Variants in TNRC6B observed in about 807,000 individuals in gnomAD.
TNRC6B encodes trinucleotide repeat-containing gene 6B protein.
In TNRC6B, 52 loss-of-function variants were observed where a neutral mutation model predicts 203.6. The observed-to-expected ratio is 0.26, with a 90% confidence interval of 0.20 to 0.32. TNRC6B has a LOEUF of 0.32. TNRC6B is among the 10% of genes least tolerant of loss of function. The probability of loss-of-function intolerance (pLI) is 1.00; values close to 1 mark genes in which losing one functional copy is unlikely to be tolerated. For missense variants in TNRC6B, 1,923 were observed against 2,286.2 expected (o/e 0.84, Z 3.24); for synonymous variants, 838 against 845.7 (o/e 0.99, Z 0.16).
Position 40,266,502 on chromosome 22 carries a change from A to G in TNRC6B, c.2272A>G (p.Asn758Asp), listed in dbSNP as rs751325297. ...GWGEEVDQTK[N>D]SNWESSASKP... Reference sequence around the variant, plus strand: ...GGGGGAGGAAGTCGATCAGACAAAAAACAGCAATTGGGAAAGTTCTGCAAG... The same window carrying G: ...GGGGGAGGAAGTCGATCAGACAAAAGACAGCAATTGGGAAAGTTCTGCAAG... The change falls in exon 5 of 23, where the codon AAC becomes GAC. Residue 758 changes from asparagine to aspartate, a missense_variant. By Grantham distance (23) the Asn-to-Asp change is conservative. Around this residue, in one of 8 missense-constraint regions of TNRC6B, gnomAD observed 599 missense variants for 656.5 expected, o/e 0.91. Coordinates refer to ENST00000454349, the MANE Select transcript of TNRC6B (RefSeq NM_001162501.2). 6 of 1,613,722 alleles carry G rather than the reference A, an allele frequency of 3.7e-6. No homozygotes were observed. The Admixed American group carries it at 8.3e-5, about 22-fold the overall frequency.
chr22:40,146,860 C>T (rs78557897), intron 3 of TNRC6B, among the ~76,000 whole-genome samples: 1,899 of 152,220 alleles, frequency 0.012, 20 homozygotes, highest in Middle Eastern at 0.048. Context: ...CCACCGTGCC[C>T]GAACAAGAAA....
chr22:40,132,909 A>G (rs2068560536), intron 3 of TNRC6B, among the ~76,000 whole-genome samples: 1 of 134,366 alleles, frequency 7.4e-6, no homozygotes, highest in Admixed American at 8.7e-5. Flanking sequence ...GCGCCACTGC[A>G]CTCCAGCCTG....
At chr22:40,153,740 G>A (rs1228407762) in intron 3 of TNRC6B, among the ~76,000 whole-genome samples, 1 of 151,808 alleles carries the variant, frequency 6.6e-6, no homozygotes, top group Non-Finnish European at 1.5e-5. Flanking sequence ...GTGAGGAAGG[G>A]AGGATGGAGG....
At chr22:40,163,025 C>A (rs1339684284) in intron 4 of TNRC6B, among the ~76,000 whole-genome samples, 2 of 152,006 alleles carry the variant, frequency 1.3e-5, no homozygotes, top group Admixed American at 6.6e-5. Flanking sequence ...CTAACAAAGT[C>A]TTTTTTTCCC....
intron 3 of TNRC6B, among the ~76,000 whole-genome samples, chr22:40,133,956 G>A (rs1368818686): frequency 1.1e-5 from 1 of 91,146 alleles, no homozygotes; most frequent in Non-Finnish European, 1.9e-5. Context: ...GGCAACAAGA[G>A]CAAAGCTCCG....
chr22:40,251,685 C>T (rs1016825636), intron 3 of TNRC6B, among the ~76,000 whole-genome samples: 2 of 151,734 alleles, frequency 1.3e-5, no homozygotes, highest in Admixed American at 1.3e-4. Context: ...TGCCACTACA[C>T]TCCAGCCTGG....
intron 4 of TNRC6B, among the ~76,000 whole-genome samples, chr22:40,170,265 G>A (rs914456583): frequency 2.1e-5 from 3 of 140,114 alleles, no homozygotes; most frequent in African/African-American, 5.4e-5. Flanking sequence ...GCAACAGGGC[G>A]AAACCCTATC....
chr22:40,301,578 C>T (rs996210375), intron 15 of TNRC6B: 18 of 485,806 alleles, frequency 3.7e-5, no homozygotes, highest in African/African-American at 1.4e-4. Context: ...AGCAGTCTTC[C>T]TTTTTTTTGT....
chr22:40,318,771 A>G (rs543574485), intron 21 of TNRC6B, among the ~76,000 whole-genome samples: 15 of 152,200 alleles, frequency 9.9e-5, no homozygotes, highest in East Asian at 9.7e-4. Flanking sequence ...CACTTGTTCT[A>G]TCTTATGAAA....
rs1056250866 is a variant in TNRC6B, at chr22:40,109,089, C to T, written c.-120-7966C>T. Among the ~76,000 whole-genome samples the T allele has an allele frequency of 3.9e-5, 6 of 152,120 alleles. No homozygotes were observed. In the East Asian group the frequency reaches 5.8e-4, roughly 15 times the overall value. ...GAGGATAATGGCTTCCAGCTGCATC[C>T]GTGTTCCTGCGAAGCACATGATCTC... is the stretch of plus-strand genomic sequence containing the variant. On this transcript the variant is annotated intron_variant, in intron 1 of 23. Transcript: ENST00000301923.
At chr22:40,213,905 T>C (rs777421366) in intron 1 of TNRC6B, among the ~76,000 whole-genome samples, 2 of 152,128 alleles carry the variant, frequency 1.3e-5, no homozygotes, top group African/African-American at 4.8e-5. Flanking sequence ...GAGAATAATA[T>C]GTAAGCTCTC....
At chr22:40,262,836 G>A (rs2070407804) in intron 4 of TNRC6B, among the ~76,000 whole-genome samples, 2 of 151,984 alleles carry the variant, frequency 1.3e-5, no homozygotes, top group Admixed American at 6.6e-5. Flanking sequence ...TCAGGAGATC[G>A]AGACCACCCT....
intron 1 of TNRC6B, among the ~76,000 whole-genome samples, chr22:40,083,489 G>C (rs1222414923): frequency 1.3e-5 from 2 of 152,176 alleles, no homozygotes; most frequent in Non-Finnish European, 2.9e-5. Context: ...TCTTAATTCT[G>C]ATGAAGTTTG....
chr22:40,322,076 G>GA (rs550083110), intron 22 of TNRC6B, among the ~76,000 whole-genome samples: 13 of 152,328 alleles, frequency 8.5e-5, no homozygotes, highest in African/African-American at 2.9e-4. Context: ...GAGCCCCTGA[G>GA]AAAGAGCAGC....
intron 12 of TNRC6B, among the ~76,000 whole-genome samples, chr22:40,297,351 G>A (rs2070958471): frequency 1.3e-5 from 2 of 152,166 alleles, no homozygotes. Context: ...TCCGTGACGG[G>A]ATGGGGGAAC....
At chr22:40,205,119 C>G (rs1365649108) in intron 1 of TNRC6B, among the ~76,000 whole-genome samples, 1 of 152,196 alleles carries the variant, frequency 6.6e-6, no homozygotes, top group Non-Finnish European at 1.5e-5. Context: ...ATCAACTGTT[C>G]CTGACCACTA....
At chr22:40,305,748 C>T (rs2071080657) in intron 15 of TNRC6B, among the ~76,000 whole-genome samples, 1 of 152,086 alleles carries the variant, frequency 6.6e-6, no homozygotes, top group African/African-American at 2.4e-5. Flanking sequence ...CTGGGACTGC[C>T]CTACTGTGGT....
intron 1 of TNRC6B, among the ~76,000 whole-genome samples, chr22:40,232,347 C>G (rs550533434): frequency 6.6e-6 from 1 of 152,248 alleles, no homozygotes; most frequent in African/African-American, 2.4e-5. Context: ...GGATAGAAAA[C>G]CAGGTCGTGA....
At chr22:40,195,936 A>AT (rs1462629595) in intron 1 of TNRC6B, among the ~76,000 whole-genome samples, 2 of 151,556 alleles carry the variant, frequency 1.3e-5, no homozygotes, top group African/African-American at 2.4e-5. Flanking sequence ...CGCCCAGCTA[A>AT]TTTTTTTTGT....
Sources: allele counts gnomAD v4.1 joint callset (sites outside exome capture counted in the v4.1 genomes callset), GRCh38; gene constraint gnomAD v4.1.1; regional missense constraint gnomAD v4.1.1; transcripts MANE v1.5; gene names NCBI Gene and HGNC (gene_info 2026-07-23, HGNC 2026-07-21).